TIMM44: variants seen among roughly 807,000 people sequenced by gnomAD.
TIMM44 encodes the protein mitochondrial import inner membrane translocase subunit TIM44.
A neutral mutation model predicts 63.8 loss-of-function variants in TIMM44; 37 were observed. That is an observed-to-expected ratio of 0.58 (90% CI 0.45 to 0.76). The LOEUF (loss-of-function observed/expected upper bound fraction) is 0.76. Among genes scored for constraint, TIMM44 ranks in the 30% least tolerant of loss-of-function variants. The probability of loss-of-function intolerance (pLI) is 0.00; values close to 1 mark genes in which losing one functional copy is unlikely to be tolerated. For synonymous variants in TIMM44, 239 were observed against 245.1 expected (o/e 0.98, Z 0.23); for missense variants, 573 against 603.8 (o/e 0.95, Z 0.54).
In TIMM44 at chr19:7,931,121, AGAAAG is replaced by A; in HGVS notation, c.1038+12_1038+16del. On this transcript the variant is annotated intron_variant, in intron 10 of 12. Coordinates refer to ENST00000270538, the MANE Select transcript of TIMM44 (RefSeq NM_006351.4). ...AGGCCTTAAAAAAAAAAAAAGAAAA[AGAAAG>A]GAAGTACTCACAGCTTCATAGCACC... The A allele has an allele frequency of 6.2e-7, 1 of 1,608,052 alleles. No individual in the cohort carries two copies. The highest frequency in any genetic ancestry group is 8.5e-7 in the Non-Finnish European group (1 of 1,177,256).
At chr19:7,938,299 C>T (rs1025072318) in intron 2 of TIMM44, 102 bp from the exon 3 acceptor site, 21 of 855,482 alleles carry the variant, frequency 2.5e-5, no homozygotes, top group South Asian at 1.3e-4. Context: ...GTTCTCTTTT[C>T]GGTTGATATA....
chr19:7,939,531 T>C (rs1397830459), intron 2 of TIMM44, among the ~76,000 whole-genome samples: 1 of 150,348 alleles, frequency 6.7e-6, no homozygotes, highest in Non-Finnish European at 1.5e-5. Context: ...GAGAATCACT[T>C]GAACCCAGGA....
chr19:7,931,411 G>A, intron 9 of TIMM44: 1 of 564,012 alleles, frequency 1.8e-6, no homozygotes, highest in Non-Finnish European at 3.2e-6. Context: ...GCGGAGGGCG[G>A]CCTGCGGGCG....
chr19:7,927,399 C>A (rs1043666182), intron 12 of TIMM44, 93 bp from the exon 13 acceptor site: 1 of 1,471,860 alleles, frequency 6.8e-7, no homozygotes, highest in African/African-American at 1.4e-5. Context: ...CAGGAGCCAC[C>A]GGCAACTTCC....
chr19:7,939,345 C>T (rs1446856998), intron 2 of TIMM44, among the ~76,000 whole-genome samples: 1 of 152,186 alleles, frequency 6.6e-6, no homozygotes, highest in Non-Finnish European at 1.5e-5. Context: ...GGCGCAGTGG[C>T]TCCTGCCTGT....
At position 7,928,173 on chromosome 19, in the gene TIMM44, TGA is replaced by T; in HGVS notation, c.1039-9_1039-8del. On this transcript the variant is annotated splice_region_variant and splice_polypyrimidine_tract_variant and intron_variant, in intron 10 of 12. Transcript: ENST00000270538. ...GGGCCAGCTGGCTGTAAGTCTGCAATGAGAGGCCGACACGCCTGCGTGATGCC... is the reference window on the plus strand; with the variant it reads ...GGGCCAGCTGGCTGTAAGTCTGCAATGAGGCCGACACGCCTGCGTGATGCC... The T allele has an allele frequency of 1.9e-6, 3 of 1,612,612 alleles. No homozygotes were observed. The highest frequency in any genetic ancestry group is 1.7e-6 in the Non-Finnish European group (2 of 1,179,288).
At position 7,943,533 on chromosome 19, in the gene TIMM44, G is replaced by A. The variant is rs988835497; in HGVS notation, c.45+74C>T. 23 of 1,507,704 alleles carry A rather than the reference G, an allele frequency of 1.5e-5. No individual in the cohort carries two copies. In the Admixed American group the frequency reaches 1.5e-4, roughly 10 times the overall value. The allele number at this position is 1,507,704 out of a possible 1,614,324, so 93.4% of individuals were successfully genotyped here. On this transcript the variant is annotated intron_variant, in intron 1 of 12. Coordinates refer to ENST00000270538, the MANE Select transcript of TIMM44 (RefSeq NM_006351.4). The surrounding 1 kb of genome is among the most constrained non-coding windows in gnomAD (Gnocchi z 4.3). ...CAAGGGTCGCGAAGGCCAAGGGTCT[G>A]AGAAGAAAGCCTTGGTGGCCGAAGG...
intron 1 of TIMM44, among the ~76,000 whole-genome samples, chr19:7,941,626 C>T (rs1003823824): frequency 1.1e-4 from 17 of 151,634 alleles, no homozygotes; most frequent in Admixed American, 7.9e-4. Flanking sequence ...TGATGCATGC[C>T]GGGCACTCTG....
In TIMM44 at chr19:7,928,179, G is replaced by A. The variant is rs769559351; in HGVS notation, c.1039-13C>T. The A allele has an allele frequency of 5.0e-6, 8 of 1,610,872 alleles. No individual in the cohort carries two copies. Among genetic ancestry groups the A allele is most frequent in the Admixed American group, 1.7e-5 (1 of 59,842 alleles). On this transcript the variant is annotated splice_polypyrimidine_tract_variant and intron_variant, in intron 10 of 12. Coordinates refer to ENST00000270538, the MANE Select transcript of TIMM44 (RefSeq NM_006351.4). ...GCTGGCTGTAAGTCTGCAATGAGAG[G>A]CCGACACGCCTGCGTGATGCCACCC...
In TIMM44 at chr19:7,928,174, G is replaced by A; in HGVS notation, c.1039-8C>T. On this transcript the variant is annotated splice_region_variant and splice_polypyrimidine_tract_variant and intron_variant, in intron 10 of 12. Coordinates refer to ENST00000270538, the MANE Select transcript of TIMM44 (RefSeq NM_006351.4). ...GGCCAGCTGGCTGTAAGTCTGCAAT[G>A]AGAGGCCGACACGCCTGCGTGATGC... 1 of 1,612,428 alleles carries A rather than the reference G, an allele frequency of 6.2e-7. No individual in the cohort carries two copies. The highest frequency in any genetic ancestry group is 8.5e-7 in the Non-Finnish European group (1 of 1,179,136).
intron 2 of TIMM44, among the ~76,000 whole-genome samples, chr19:7,940,489 C>T (rs983888050): frequency 2.0e-5 from 3 of 151,850 alleles, no homozygotes; most frequent in Admixed American, 1.3e-4. Context: ...CCCACACCCA[C>T]GATGGCCCCA....
intron 9 of TIMM44, chr19:7,931,574 T>C: frequency 3.6e-6 from 1 of 280,438 alleles, no homozygotes; most frequent in Non-Finnish European, 7.0e-6. Context: ...ATGTCCTCTG[T>C]CCCCCCAGGG....
At chr19:7,932,334 C>T (rs1028258987) in intron 9 of TIMM44, 10 of 478,788 alleles carry the variant, frequency 2.1e-5, no homozygotes, top group African/African-American at 2.0e-4. Flanking sequence ...TGAGACAATC[C>T]CTAGCCTCCA....
chr19:7,928,923 C>CAAAAAAAAA (rs758167153), intron 10 of TIMM44: 8 of 70,076 alleles, frequency 1.1e-4, no homozygotes, highest in Middle Eastern at 0.011. Context: ...AACAAAAAAC[C>CAAAAAAAAA]AAAAAAAAAA....
At chr19:7,939,612 C>CAAA (rs34322159) in intron 2 of TIMM44, among the ~76,000 whole-genome samples, 4 of 91,222 alleles carry the variant, frequency 4.4e-5, no homozygotes, top group African/African-American at 9.4e-5. Flanking sequence ...GACTCCATCT[C>CAAA]AAAAAAAAAA....
rs774474090 is a variant in TIMM44 at position 7,938,140 on chromosome 19, C to A, written c.199G>T (p.Val67Phe). The change falls in exon 3 of 13, where the codon GTC becomes TTC. Residue 67 changes from valine (V) to phenylalanine (F), a missense_variant. Val to Phe is a conservative substitution (Grantham distance 50). Transcript: ENST00000270538. ...KGFLSGLLDN[V>F]KQELAKNKEM... ...TTGTTTTTGGCTAATTCTTGTTTGA[C>A]ATTATCTAGCAAGCCGGACAGAAAG... 1.9e-6 allele frequency: 3 copies of A among 1,613,728 alleles called. No homozygotes were observed. The highest frequency in any genetic ancestry group is 1.7e-6 in the Non-Finnish European group (2 of 1,179,980).
In TIMM44 at chr19:7,928,072, C is replaced by A; in HGVS notation, c.1128+5G>T. 1.2e-6 allele frequency: 2 copies of A among 1,613,292 alleles called. No individual in the cohort carries two copies. Among genetic ancestry groups the A allele is most frequent in the Non-Finnish European group, 1.7e-6 (2 of 1,179,528 alleles). On this transcript the variant is annotated splice_donor_5th_base_variant and intron_variant, in intron 11 of 12. Coordinates refer to ENST00000270538, the MANE Select transcript of TIMM44 (RefSeq NM_006351.4). ...TGGCCCGGGCCCCCACTGCGAGGTGCTTACGTCGACGTTGTCAATGTCTAG... is the reference window on the plus strand; with the variant it reads ...TGGCCCGGGCCCCCACTGCGAGGTGATTACGTCGACGTTGTCAATGTCTAG...
At position 7,931,118 on chromosome 19, in the gene TIMM44, AAAAG is replaced by A. The variant is rs765854237; in HGVS notation, c.1038+16_1038+19del. The A allele has an allele frequency of 1.1e-4, 180 of 1,608,120 alleles. No individual in the cohort carries two copies. The highest frequency in any genetic ancestry group is 1.4e-4 in the Non-Finnish European group (169 of 1,177,830). On this transcript the variant is annotated intron_variant, in intron 10 of 12. Coordinates refer to ENST00000270538, the MANE Select transcript of TIMM44 (RefSeq NM_006351.4). The stretch of plus-strand genomic sequence containing the variant: ...TTTAGGCCTTAAAAAAAAAAAAAGA[AAAAG>A]AAAGGAAGTACTCACAGCTTCATAG...
In TIMM44 at chr19:7,934,378, T is replaced by A; in HGVS notation, c.394-140A>T. 1 of 1,127,328 alleles carries A rather than the reference T, an allele frequency of 8.9e-7. No homozygotes were observed. The highest frequency in any genetic ancestry group is 1.3e-6 in the Non-Finnish European group (1 of 772,370). The allele number at this position is 1,127,328 out of a possible 1,614,324, so 69.8% of individuals were successfully genotyped here. ...GCAGAGGCCTTCTGTGCTCCTGTGG[T>A]ACGCGGCACCCCCAGAGCCATGAGC... is the stretch of plus-strand genomic sequence containing the variant. On this transcript the variant is annotated intron_variant, in intron 4 of 12. Coordinates refer to ENST00000270538, the MANE Select transcript of TIMM44 (RefSeq NM_006351.4). The surrounding 1 kb of genome is among the most constrained non-coding windows in gnomAD (Gnocchi z 5.3).
Sources: allele counts gnomAD v4.1 joint callset (sites outside exome capture counted in the v4.1 genomes callset), GRCh38; gene constraint gnomAD v4.1.1; non-coding constraint Gnocchi (gnomAD v3.1); transcripts MANE v1.5; gene names NCBI Gene and HGNC (gene_info 2026-07-23, HGNC 2026-07-21).